Variants in GPC3 observed in about 807,000 individuals in gnomAD.
GPC3 encodes glypican 3.
Under a neutral mutation model 34.4 loss-of-function variants are expected in GPC3, and 3 were observed. That is an observed-to-expected ratio of 0.09 (90% confidence interval 0.04 to 0.23). The LOEUF is 0.23. GPC3 is among the 10% of genes least tolerant of loss of function. The pLI, the probability that GPC3 is intolerant of heterozygous loss-of-function variation, is 1.00. For missense variants in GPC3, 351 were observed against 445.6 expected (o/e 0.79, Z 1.91); for synonymous variants, 177 against 174.0 (o/e 1.02, Z -0.13).
chrX:133,546,841 AATCAGT>A (rs1442357879), intron 7 of GPC3, among the ~76,000 whole-genome samples: 1 of 112,420 alleles, frequency 8.9e-6, no homozygotes, highest in East Asian at 2.8e-4. Context: ...AAAGAAAGGG[AATCAGT>A]ATATCGAAGA....
At chrX:133,943,248 A>T (rs768115044) in intron 2 of GPC3, among the ~76,000 whole-genome samples, 8 of 112,377 alleles carry the variant, frequency 7.1e-5, no homozygotes, top group Non-Finnish European at 1.5e-4. Flanking sequence ...CTCATTTTGT[A>T]AAAGGGGGTT....
rs146443675 is a variant in GPC3 at position 133,541,486 on chromosome X, C to A, written c.1574-5193G>T. On this transcript the variant is annotated intron_variant, in intron 7 of 7. Coordinates refer to ENST00000370818, the MANE Select transcript of GPC3 (RefSeq NM_004484.4). ...TGATCATCAGTGAGAACCTTTTGGG[C>A]CAGCAAGGAGATTTTCATGCTAAAT... Among the ~76,000 whole-genome samples the A allele has an allele frequency of 7.5e-3, 834 of 111,667 alleles. 9 individuals carry two copies. The highest frequency in any genetic ancestry group is 0.026 in the African/African-American group (796 of 30,787).
intron 2 of GPC3, among the ~76,000 whole-genome samples, chrX:133,754,834 A>T (rs2124481414): frequency 8.9e-6 from 1 of 112,121 alleles, no homozygotes; most frequent in East Asian, 2.8e-4. Context: ...ATCATTTGGT[A>T]TTGAAAACAA....
intron 6 of GPC3, among the ~76,000 whole-genome samples, chrX:133,605,172 T>TC (rs371725277): frequency 0.035 from 3,388 of 95,974 alleles, 140 homozygotes; most frequent in African/African-American, 0.12. Context: ...ACTTCACACG[T>TC]GGGGGGGGGG....
At chrX:133,736,675 A>G (rs1174746731) in intron 3 of GPC3, among the ~76,000 whole-genome samples, 2 of 112,106 alleles carry the variant, frequency 1.8e-5, no homozygotes, top group Non-Finnish European at 3.8e-5. Context: ...AGACTAATCT[A>G]TAGAGACAGA....
chrX:133,808,611 C>G (rs1455885714), intron 2 of GPC3, among the ~76,000 whole-genome samples: 1 of 111,150 alleles, frequency 9.0e-6, no homozygotes, highest in Non-Finnish European at 1.9e-5. Flanking sequence ...AGCTTTGGAG[C>G]CAGACAAATC....
intron 6 of GPC3, among the ~76,000 whole-genome samples, chrX:133,601,634 A>T (rs2069982085): frequency 8.9e-6 from 1 of 112,280 alleles, no homozygotes; most frequent in Non-Finnish European, 1.9e-5. Flanking sequence ...ATAAACAAAA[A>T]TGTAATCATC....
At chrX:133,878,602 G>C (rs988016681) in intron 2 of GPC3, among the ~76,000 whole-genome samples, 1 of 111,960 alleles carries the variant, frequency 8.9e-6, no homozygotes, top group African/African-American at 3.2e-5. Context: ...CCCAAAACGT[G>C]CTTCTGCTGT....
chrX:133,922,441 A>C (rs894953409), intron 2 of GPC3, among the ~76,000 whole-genome samples: 2 of 111,672 alleles, frequency 1.8e-5, no homozygotes, highest in African/African-American at 6.5e-5. Context: ...TGGATATATC[A>C]GTGTCTTGAC....
At chrX:133,658,511 C>T (rs188157370) in intron 6 of GPC3, among the ~76,000 whole-genome samples, 1 of 111,725 alleles carries the variant, frequency 9.0e-6, no homozygotes, top group African/African-American at 3.3e-5. Flanking sequence ...TCATCATCAT[C>T]ATGACTTTCT....
intron 2 of GPC3, among the ~76,000 whole-genome samples, chrX:133,818,896 T>C (rs1330082715): frequency 9.0e-6 from 1 of 110,687 alleles, no homozygotes; most frequent in African/African-American, 3.3e-5. Context: ...TTCCATGTTA[T>C]GTTTATCATA....
intron 2 of GPC3, chrX:133,763,283 GCAA>G: frequency 3.6e-6 from 2 of 559,951 alleles, no homozygotes; most frequent in East Asian, 3.3e-5. Flanking sequence ...ACCATCCCAT[GCAA>G]CAACAAGGGA....
chrX:133,748,532 C>A (rs2071631085), intron 3 of GPC3, among the ~76,000 whole-genome samples: 1 of 111,199 alleles, frequency 9.0e-6, no homozygotes, highest in Admixed American at 9.6e-5. Flanking sequence ...GACTTTTCAG[C>A]ACAAATCTTC....
At chrX:133,814,350 T>C (rs2075679145) in intron 2 of GPC3, among the ~76,000 whole-genome samples, 1 of 110,862 alleles carries the variant, frequency 9.0e-6, no homozygotes, top group African/African-American at 3.3e-5. Context: ...TTGTCAGAAA[T>C]AGTTCCCCAC....
At chrX:133,730,297 G>A (rs2071450167) in intron 3 of GPC3, among the ~76,000 whole-genome samples, 1 of 111,910 alleles carries the variant, frequency 8.9e-6, no homozygotes, top group Non-Finnish European at 1.9e-5. Context: ...TTTTGTTCCT[G>A]CCCATCCATT....
chrX:133,941,814 G>A (rs992323849), intron 2 of GPC3, among the ~76,000 whole-genome samples: 2 of 112,222 alleles, frequency 1.8e-5, no homozygotes, highest in Non-Finnish European at 3.8e-5. Flanking sequence ...TACAAAATGG[G>A]CTAGCATTCT....
chrX:133,909,234 G>T (rs61550131), intron 2 of GPC3, among the ~76,000 whole-genome samples: 6,012 of 112,287 alleles, frequency 0.054, 376 homozygotes, highest in African/African-American at 0.18. Context: ...CATTGAATCC[G>T]CTGATCAACC....
At chrX:133,814,185 G>A (rs2075678351) in intron 2 of GPC3, among the ~76,000 whole-genome samples, 1 of 111,207 alleles carries the variant, frequency 9.0e-6, no homozygotes, top group Non-Finnish European at 1.9e-5. Flanking sequence ...CCCATGCTAA[G>A]AGAAACCAGA....
At chrX:133,841,326 C>G (rs1240978319) in intron 2 of GPC3, among the ~76,000 whole-genome samples, 1 of 102,338 alleles carries the variant, frequency 9.8e-6, no homozygotes, top group Non-Finnish European at 2.0e-5. Context: ...TCCCAAAGTG[C>G]TAGGATTACA....
Sources: allele counts gnomAD v4.1 joint callset (sites outside exome capture counted in the v4.1 genomes callset), GRCh38; gene constraint gnomAD v4.1.1; transcripts MANE v1.5; gene names NCBI Gene and HGNC (gene_info 2026-07-23, HGNC 2026-07-21).